The following NLRP4 variants were observed in gnomAD, a reference collection of about 807,000 sequenced individuals.
NLRP4 encodes the protein NLR family pyrin domain containing 4, also known as NACHT, LRR and PYD domains-containing protein 4.
NLRP4 carries 44 observed loss-of-function variants against 84.7 expected under a neutral mutation model. The observed-to-expected ratio is 0.52, with a 90% CI of 0.41 to 0.67. The LOEUF is 0.67. Among genes scored for constraint, NLRP4 ranks in the 30% least tolerant of loss-of-function variants. NLRP4 has a pLI of 0.00. For synonymous variants in NLRP4, 544 were observed against 476.4 expected (o/e 1.14, Z -1.85); for missense variants, 1,260 against 1,219.4 (o/e 1.03, Z -0.50).
In NLRP4 at chr19:55,847,919, C is replaced by G. The variant is rs544659686; in HGVS notation, c.-65-4097C>G. Among the ~76,000 whole-genome samples the G allele has an allele frequency of 1.3e-3, 203 of 152,048 alleles. 1 individual carries two copies. Among genetic ancestry groups the G allele is most frequent in the African/African-American group, 4.7e-3 (195 of 41,478 alleles). On this transcript the variant is annotated intron_variant, in intron 1 of 9. Transcript: ENST00000301295. Reference sequence around the variant, plus strand: ...TTTAGTAGAGATGGGGTTTCACCATCTTGGTCAGGCTGGTCTCAAACTCCT... The same window carrying G: ...TTTAGTAGAGATGGGGTTTCACCATGTTGGTCAGGCTGGTCTCAAACTCCT...
chr19:55,859,304 G>T (rs1984622575), intron 3 of NLRP4, 55 bp downstream of exon 3: 1 of 1,466,660 alleles, frequency 6.8e-7, no homozygotes, highest in Non-Finnish European at 9.2e-7. Flanking sequence ...GTATTCCCAA[G>T]TGGGTTTTGC....
Position 55,870,890 on chromosome 19 carries a change from C to T in NLRP4, c.2418C>T (p.Asn806=), listed in dbSNP as rs145998081. 2.1e-5 allele frequency: 34 copies of T among 1,613,966 alleles called. No homozygotes were observed. Among genetic ancestry groups the T allele is most frequent in the Non-Finnish European group, 2.5e-5 (29 of 1,179,892 alleles). The change falls in exon 7 of 10, where the codon AAC becomes AAT. Residue 806 remains asparagine, a synonymous_variant. Transcript: ENST00000301295. Reference sequence around the variant, plus strand: ...ACATCTCTGAAATGCTTCTGCGTAACAAGAGCGTGCGCTATCTAGACCTCA... The same window carrying T: ...ACATCTCTGAAATGCTTCTGCGTAATAAGAGCGTGCGCTATCTAGACCTCA... ...CEYISEMLLR[N]KSVRYLDLSA...
In NLRP4 at chr19:55,881,462, T is replaced by C. The variant is rs776236445; in HGVS notation, c.2868-8T>C. On this transcript the variant is annotated splice_polypyrimidine_tract_variant and splice_region_variant and intron_variant, in intron 9 of 9. Transcript: ENST00000301295. ...TTAAAAATAGAACCTCTTAAAATAT[T>C]TTACCAGGCTGAGAAAAACTGATTT... The C allele has an allele frequency of 1.4e-6, 2 of 1,415,912 alleles. No homozygotes were observed. Among genetic ancestry groups the C allele is most frequent in the East Asian group, 4.5e-5 (2 of 44,018 alleles). 87.7% of individuals were successfully genotyped at this position (1,415,912 alleles called of 1,614,324 possible). A position where few individuals can be genotyped will look rare whatever the true frequency, so the allele number is the denominator to read the frequency against.
intron 2 of NLRP4, among the ~76,000 whole-genome samples, chr19:55,854,656 G>A (rs1034599002): frequency 1.3e-5 from 2 of 152,040 alleles, no homozygotes; most frequent in Non-Finnish European, 2.9e-5. Flanking sequence ...CATTTTTGGC[G>A]ATGCTAGCCT....
In NLRP4 at chr19:55,853,721, T is replaced by C. The variant is rs568139258; in HGVS notation, c.280+1361T>C. Among the ~76,000 whole-genome samples the C allele has an allele frequency of 1.6e-3, 242 of 147,686 alleles. 1 individual carries two copies. The highest frequency in any genetic ancestry group is 5.9e-3 in the African/African-American group (227 of 38,524). ...CACCATACTGGCCTAGACTCACTCT[T>C]TCTTTCTCTTTCTCTTTTCCTTTTT... On this transcript the variant is annotated intron_variant, in intron 2 of 9. Coordinates refer to ENST00000301295, the MANE Select transcript of NLRP4 (RefSeq NM_134444.5).
At chr19:55,866,234 A>G (rs1427574806) in intron 5 of NLRP4, among the ~76,000 whole-genome samples, 1 of 152,138 alleles carries the variant, frequency 6.6e-6, no homozygotes, top group African/African-American at 2.4e-5. Context: ...GGGTTTCACC[A>G]TGCTGGTCAG....
At chr19:55,860,026 C>T (rs1469338536) in intron 3 of NLRP4, among the ~76,000 whole-genome samples, 1 of 145,720 alleles carries the variant, frequency 6.9e-6, no homozygotes, top group Admixed American at 6.8e-5. Flanking sequence ...TGCTTTGTCA[C>T]CCAGGCTGGA....
At chr19:55,846,146 T>A (rs1382140759) in intron 1 of NLRP4, among the ~76,000 whole-genome samples, 2 of 152,254 alleles carry the variant, frequency 1.3e-5, no homozygotes, top group African/African-American at 4.8e-5. Context: ...AGGGTTTTTC[T>A]GGTTTTAGGT....
intron 1 of NLRP4, among the ~76,000 whole-genome samples, chr19:55,839,850 G>T (rs1250001848): frequency 1.3e-5 from 2 of 151,990 alleles, no homozygotes; most frequent in East Asian, 3.8e-4. Flanking sequence ...TTATGCCTTT[G>T]AAGTAGCACA....
At chr19:55,854,823 T>C (rs1984347662) in intron 2 of NLRP4, among the ~76,000 whole-genome samples, 1 of 152,038 alleles carries the variant, frequency 6.6e-6, no homozygotes, top group African/African-American at 2.4e-5. Flanking sequence ...CCCAGGTTCA[T>C]GCGGTTCTCC....
chr19:55,846,838 G>A (rs1345154043), intron 1 of NLRP4, among the ~76,000 whole-genome samples: 1 of 152,172 alleles, frequency 6.6e-6, no homozygotes, highest in Non-Finnish European at 1.5e-5. Flanking sequence ...ATTGGCAAAA[G>A]CACGCAGGGG....
intron 1 of NLRP4, among the ~76,000 whole-genome samples, chr19:55,839,699 C>T (rs1983534366): frequency 6.6e-6 from 1 of 151,962 alleles, no homozygotes; most frequent in African/African-American, 2.4e-5. Context: ...GGGGGTTATC[C>T]AGTTTGTATT....
At chr19:55,853,673 G>C (rs1984259074) in intron 2 of NLRP4, among the ~76,000 whole-genome samples, 1 of 152,112 alleles carries the variant, frequency 6.6e-6, no homozygotes, top group African/African-American at 2.4e-5. Context: ...GCCTCCCAAA[G>C]TGCTGGGATT....
At chr19:55,850,829 C>T (rs1239634873) in intron 1 of NLRP4, among the ~76,000 whole-genome samples, 1 of 95,654 alleles carries the variant, frequency 1.0e-5, no homozygotes, top group Non-Finnish European at 1.9e-5. Flanking sequence ...GGTGTAATGT[C>T]CGAGGCTGCG....
chr19:55,849,929 C>A (rs1314254090), intron 1 of NLRP4, among the ~76,000 whole-genome samples: 4 of 147,834 alleles, frequency 2.7e-5, no homozygotes, highest in Non-Finnish European at 4.4e-5. Flanking sequence ...GGTGTAATTT[C>A]CGTAGCCGCG....
intron 2 of NLRP4, among the ~76,000 whole-genome samples, chr19:55,853,901 CTCTCTTTCTCTTTCTT>C (rs1252361189): frequency 2.4e-5 from 3 of 124,506 alleles, no homozygotes; most frequent in South Asian, 2.5e-4. Flanking sequence ...CTCTCTCTCT[CTCTCTTTCTCTTTCTT>C]TCTCTTTCTC....
Position 55,862,118 on chromosome 19 carries a change from T to C in NLRP4, c.2145T>C (p.Cys715=). The C allele has an allele frequency of 6.2e-7, 1 of 1,614,002 alleles. No homozygotes were observed. Among genetic ancestry groups the C allele is most frequent in the Non-Finnish European group, 8.5e-7 (1 of 1,179,834 alleles). Residue 715 remains cysteine (C), a synonymous_variant, in exon 5 of 10, where the codon TGT becomes TGC. Transcript: ENST00000301295. ...KLSRDDIRSL[C]DALNYPAGNV... ...CTCGTGATGACATCAGGTCCCTCTG[T>C]GATGCCTTGAACTACCCAGCAGGCA...
intron 1 of NLRP4, among the ~76,000 whole-genome samples, chr19:55,850,558 C>T (rs567729650): frequency 3.4e-4 from 24 of 71,238 alleles, no homozygotes; most frequent in Admixed American, 1.3e-3. Context: ...TCCGTGGCTG[C>T]GGTGTAATGT....
intron 1 of NLRP4, among the ~76,000 whole-genome samples, chr19:55,844,677 C>T (rs1983726452): frequency 2.6e-5 from 4 of 152,208 alleles, no homozygotes; most frequent in South Asian, 4.1e-4. Flanking sequence ...CTAATTGCAT[C>T]TGCAAGGATG....
Sources: gnomAD v4.1 joint callset for allele counts (sites outside exome capture counted in the v4.1 genomes callset) on GRCh38, gnomAD v4.1.1 for gene constraint, MANE v1.5 for transcripts, NCBI Gene and HGNC (gene_info 2026-07-23, HGNC 2026-07-21) for gene names.